Variants in USP20 observed in about 807,000 individuals in gnomAD.
USP20 encodes the protein ubiquitin carboxyl-terminal hydrolase 20.
USP20 carries 80 observed loss-of-function variants against 124.2 expected under a neutral mutation model. That is an observed-to-expected ratio of 0.64 (90% confidence interval 0.54 to 0.78). The LOEUF (loss-of-function observed/expected upper bound fraction) is 0.78. USP20 is among the 30% of genes least tolerant of loss of function. The pLI, the probability that USP20 is intolerant of heterozygous loss-of-function variation, is 0.00. For synonymous variants in USP20, 481 were observed against 512.3 expected (o/e 0.94, Z 0.83); for missense variants, 1,043 against 1,244.4 (o/e 0.84, Z 2.44).
At chr9:129,844,512 G>C (rs1210608620) in intron 1 of USP20, among the ~76,000 whole-genome samples, 1 of 150,598 alleles carries the variant, frequency 6.6e-6, no homozygotes, top group Non-Finnish European at 1.5e-5. Flanking sequence ...TGTAATCCCA[G>C]CTACTCGGGA....
chr9:129,873,585 T>G (rs886114773), intron 16 of USP20, 70 bp downstream of exon 16: 14 of 1,613,210 alleles, frequency 8.7e-6, no homozygotes, highest in Middle Eastern at 1.6e-4. Flanking sequence ...CTTGGGTTCC[T>G]GCAGAGAGCC....
intron 13 of USP20, 78 bp downstream of exon 13, chr9:129,869,503 G>A: frequency 1.3e-6 from 2 of 1,548,164 alleles, no homozygotes; most frequent in Non-Finnish European, 1.8e-6. Flanking sequence ...TGGGTGCAGG[G>A]TGGGCTCTCC....
At chr9:129,846,243 ATATATTTTTTTT>A (rs2032546081) in intron 1 of USP20, among the ~76,000 whole-genome samples, 1 of 36,008 alleles carries the variant, frequency 2.8e-5, no homozygotes, top group Non-Finnish European at 5.5e-5. Context: ...ATATATATAT[ATATATTTTTTTT>A]TTTTTTTTTT....
chr9:129,850,900 C>T (rs1295422944), intron 2 of USP20, among the ~76,000 whole-genome samples: 14 of 152,076 alleles, frequency 9.2e-5, no homozygotes, highest in African/African-American at 9.7e-5. Context: ...GTGATCTGCC[C>T]GCCTCGGCCT....
chr9:129,854,744 T>C (rs1009978208), intron 3 of USP20, among the ~76,000 whole-genome samples: 27 of 152,212 alleles, frequency 1.8e-4, no homozygotes, highest in Admixed American at 3.3e-4. Context: ...TTGAGTCTGC[T>C]AAGCAGACTG....
chr9:129,838,186 C>T (rs1253397918), intron 1 of USP20, among the ~76,000 whole-genome samples: 1 of 151,870 alleles, frequency 6.6e-6, no homozygotes, highest in Non-Finnish European at 1.5e-5. Flanking sequence ...GGATTACAGG[C>T]GCCCACCACC....
rs62637578 is a variant in USP20 at position 129,878,424 on chromosome 9, C to T, written c.2496C>T (p.Val832=). 6.2e-7 allele frequency: 1 copy of T among 1,609,102 alleles called. No individual in the cohort carries two copies. Among genetic ancestry groups the T allele is most frequent in the Non-Finnish European group, 8.5e-7 (1 of 1,177,356 alleles). Residue 832 remains valine, a synonymous_variant, in exon 23 of 26, where the codon GTC becomes GTT. Coordinates refer to ENST00000372429, the MANE Select transcript of USP20 (RefSeq NM_001110303.4). The stretch of plus-strand genomic sequence containing the variant: ...GGTTCCGGGAGTGGGAGGCGTTCGT[C>T]AAGGGGAAGGACAACGGTGAGCTGA... The part of the protein sequence containing the change: ...MQWFREWEAF[V]KGKDNEPPGP...
At chr9:129,865,912 CCA>C (rs1209323979) in intron 10 of USP20, among the ~76,000 whole-genome samples, 1 of 152,206 alleles carries the variant, frequency 6.6e-6, no homozygotes, top group African/African-American at 2.4e-5. Flanking sequence ...TTTCCCCAAA[CCA>C]CAGGCAAAAT....
At chr9:129,836,370 C>T (rs573819429) in intron 1 of USP20, among the ~76,000 whole-genome samples, 3 of 152,264 alleles carry the variant, frequency 2.0e-5, no homozygotes, top group East Asian at 3.9e-4. Flanking sequence ...GATTGTTTTT[C>T]GTTTTACAAA....
intron 3 of USP20, 114 bp from the exon 4 acceptor site, chr9:129,856,193 C>T (rs2033205821): frequency 2.9e-6 from 3 of 1,024,096 alleles, no homozygotes; most frequent in South Asian, 1.3e-5. Flanking sequence ...GAAGCTGAGA[C>T]CTTCTGAGTG....
intron 1 of USP20, among the ~76,000 whole-genome samples, chr9:129,843,369 G>A (rs1393566786): frequency 6.6e-6 from 1 of 152,066 alleles, no homozygotes; most frequent in Non-Finnish European, 1.5e-5. Flanking sequence ...GGCGGAGGTT[G>A]CAGTGAGCAG....
At chr9:129,836,983 A>G (rs1205701519) in intron 1 of USP20, among the ~76,000 whole-genome samples, 1 of 152,178 alleles carries the variant, frequency 6.6e-6, no homozygotes, top group Non-Finnish European at 1.5e-5. Context: ...AAAGGGCAAG[A>G]AGGCCAGGGG....
rs148196129 is a variant in USP20 at position 129,846,649 on chromosome 9, G to A, written c.-128-3164G>A. On this transcript the variant is annotated intron_variant, in intron 1 of 25. Transcript: ENST00000372429. Reference sequence around the variant, plus strand: ...TTTTTTTTTTTTTTTTTAAGATGGAGTTTTGCTCTTGTCACCCAGGCCGGA... The same window carrying A: ...TTTTTTTTTTTTTTTTTAAGATGGAATTTTGCTCTTGTCACCCAGGCCGGA... 3.3e-4 allele frequency among the ~76,000 whole-genome samples: 48 copies of A among 146,102 alleles called. No homozygotes were observed. In the East Asian group the frequency reaches 7.8e-3, roughly 24 times the overall value.
chr9:129,868,481 C>G lies in USP20; in HGVS notation c.1135+32C>G, dbSNP rs369228778. ...GCTGGCCGGGGACTGCGGGAGGAACCTCAGCCTATGGCCCAGTACCTACCG... is the reference window on the plus strand; with the variant it reads ...GCTGGCCGGGGACTGCGGGAGGAACGTCAGCCTATGGCCCAGTACCTACCG... On this transcript the variant is annotated intron_variant, in intron 11 of 25. Transcript: ENST00000372429. The G allele has an allele frequency of 7.9e-4, 1,252 of 1,594,682 alleles. 3 individuals are homozygous for G. Among genetic ancestry groups the G allele is most frequent in the Non-Finnish European group, 8.1e-4 (954 of 1,170,584 alleles).
Position 129,875,602 on chromosome 9 carries a change from T to C in USP20, c.2261T>C (p.Val754Ala). The C allele has an allele frequency of 6.2e-7, 1 of 1,613,984 alleles. No individual in the cohort carries two copies. The highest frequency in any genetic ancestry group is 8.5e-7 in the Non-Finnish European group (1 of 1,179,998). Residue 754 changes from valine (V) to alanine (A), a missense_variant, in exon 21 of 26, where the codon GTC becomes GCC. Val to Ala is a moderately conservative substitution (Grantham distance 64, BLOSUM62 0). Transcript: ENST00000372429. ...HKYHYIDDLV[V>A]ILPQNVWEHL... ...TACCACTACATCGACGACCTGGTGGTCATCCTGCCCCAGAACGTCTGGGAG... is the reference window on the plus strand; with the variant it reads ...TACCACTACATCGACGACCTGGTGGCCATCCTGCCCCAGAACGTCTGGGAG...
chr9:129,860,030 C>T (rs746885911), intron 6 of USP20, among the ~76,000 whole-genome samples: 3 of 150,716 alleles, frequency 2.0e-5, no homozygotes, highest in Non-Finnish European at 4.4e-5. Flanking sequence ...GACTCTATCT[C>T]TTAAAAAAAG....
rs956770399 is a variant in USP20, at chr9:129,873,883, G to A, written c.1740+139G>A. ...CCGTGGAGACTCCATAGCTTTGGCT[G>A]AGAAACCTCTGGGAAGGGTTGGCAG... is the stretch of plus-strand genomic sequence containing the variant. On this transcript the variant is annotated intron_variant, in intron 17 of 25. Coordinates refer to ENST00000372429, the MANE Select transcript of USP20 (RefSeq NM_001110303.4). 4 of 1,077,972 alleles carry A rather than the reference G, an allele frequency of 3.7e-6. No individual in the cohort carries two copies. In the African/African-American group the frequency reaches 4.7e-5, roughly 13 times the overall value. The allele number at this position is 1,077,972 out of a possible 1,614,324, so 66.8% of individuals were successfully genotyped here. A position where few individuals can be genotyped will look rare whatever the true frequency, so the allele number is the denominator to read the frequency against.
Position 129,880,254 on chromosome 9 carries a change from C to T in USP20, c.2726C>T (p.Ala909Val). ...ENLHGEQKIE[A>V]ETRAV ...CTGCACGGGGAGCAGAAGATCGAAG[C>T]CGAGACGCGGGCCGTGTGATCTGCT... The change falls in exon 25 of 26, where the codon GCC becomes GTC. Residue 909 changes from alanine (A) to valine (V), a missense_variant. Physicochemically the swap from Ala to Val is moderately conservative, Grantham distance 64. Transcript: ENST00000372429. The T allele has an allele frequency of 6.2e-7, 1 of 1,606,168 alleles. No individual in the cohort carries two copies.
At chr9:129,846,248 T>TATA (rs1491285186) in intron 1 of USP20, among the ~76,000 whole-genome samples, 123 of 40,556 alleles carry the variant, frequency 3.0e-3, no homozygotes, top group African/African-American at 8.0e-3. Flanking sequence ...TATATATATA[T>TATA]TTTTTTTTTT....
Sources: gnomAD v4.1 joint callset for allele counts (sites outside exome capture counted in the v4.1 genomes callset) on GRCh38, gnomAD v4.1.1 for gene constraint, MANE v1.5 for transcripts, NCBI Gene and HGNC (gene_info 2026-07-23, HGNC 2026-07-21) for gene names.